P4HA1: variants seen among roughly 807,000 people sequenced by gnomAD.
The protein encoded by P4HA1 is prolyl 4-hydroxylase subunit alpha 1.
A neutral mutation model predicts 72.8 loss-of-function variants in P4HA1; 24 were observed. The observed-to-expected ratio is 0.33, with a 90% confidence interval of 0.24 to 0.46. The LOEUF is 0.46. Ranked by LOEUF, P4HA1 falls within the 20% of genes least tolerant of loss-of-function variation. P4HA1 has a pLI of 1.00. For missense variants in P4HA1, 446 were observed against 640.6 expected, an observed-to-expected ratio of 0.70 and a Z score of 3.28; for synonymous variants, 201 against 218.8, an observed-to-expected ratio of 0.92 and a Z score of 0.72.
chr10:73,092,039 C>T lies in P4HA1; in HGVS notation c.-33+4727G>A, dbSNP rs191851717. On this transcript the variant is annotated intron_variant, in intron 1 of 14. Transcript: ENST00000394890. ...TCCACTTTTATTTCCACCCAGTCTA[C>T]CTCTTTCTAGTCTTCAATTATCTGT... Among the ~76,000 whole-genome samples the T allele has an allele frequency of 6.8e-3, 1,037 of 152,248 alleles. 12 individuals carry two copies. Among genetic ancestry groups the T allele is most frequent in the African/African-American group, 0.023 (970 of 41,538 alleles).
chr10:73,095,902 T>C (rs1842154243), intron 1 of P4HA1, among the ~76,000 whole-genome samples: 1 of 148,388 alleles, frequency 6.7e-6, no homozygotes, highest in South Asian at 2.4e-4. Flanking sequence ...TTCCTCCCCA[T>C]TGAAACATAC....
At chr10:73,043,079 G>T (rs1453869801) in intron 9 of P4HA1, among the ~76,000 whole-genome samples, 1 of 152,100 alleles carries the variant, frequency 6.6e-6, no homozygotes, top group Non-Finnish European at 1.5e-5. Context: ...AAAAGGCTGT[G>T]TTAAAGATAG....
At chr10:73,046,755 T>C (rs532547297) in intron 8 of P4HA1, among the ~76,000 whole-genome samples, 170 bp downstream of exon 8, 1 of 152,256 alleles carries the variant, frequency 6.6e-6, no homozygotes, top group Middle Eastern at 3.4e-3. Flanking sequence ...TGATAACAAA[T>C]GGAAAAACTG....
At chr10:73,096,368 G>A (rs1842165084) in intron 1 of P4HA1, among the ~76,000 whole-genome samples, 2 of 152,122 alleles carry the variant, frequency 1.3e-5, no homozygotes, top group Admixed American at 1.3e-4. Flanking sequence ...CCCACGCCCC[G>A]CGCTTGCGTT....
intron 4 of P4HA1, 97 bp from the exon 5 acceptor site, chr10:73,069,080 T>C: frequency 1.1e-6 from 1 of 908,486 alleles, no homozygotes; most frequent in East Asian, 2.5e-5. Flanking sequence ...ATTTTATTAT[T>C]TTCTACCACA....
intron 5 of P4HA1, among the ~76,000 whole-genome samples, chr10:73,060,218 T>C (rs1841280524): frequency 6.6e-6 from 1 of 152,178 alleles, no homozygotes; most frequent in Non-Finnish European, 1.5e-5. Flanking sequence ...ATAGTATGAA[T>C]AAAAGAATAA....
intron 10 of P4HA1, among the ~76,000 whole-genome samples, chr10:73,021,361 G>A (rs770382011): frequency 6.6e-5 from 10 of 152,120 alleles, no homozygotes; most frequent in South Asian, 2.1e-4. Flanking sequence ...AGAGATATCC[G>A]CATTCCCATG....
intron 9 of P4HA1, among the ~76,000 whole-genome samples, chr10:73,041,280 C>CATGCTT (rs1840726329): frequency 6.6e-6 from 1 of 152,104 alleles, no homozygotes; most frequent in South Asian, 2.1e-4. Context: ...GGCACGGGCT[C>CATGCTT]ATGCTTGTAA....
At chr10:73,069,829 C>T (rs151207666) in intron 4 of P4HA1, among the ~76,000 whole-genome samples, 2 of 145,962 alleles carry the variant, frequency 1.4e-5, no homozygotes, top group South Asian at 2.2e-4. Flanking sequence ...TTTTTTGAGA[C>T]AGTCTCACTC....
At chr10:73,092,583 C>T (rs1217215292) in intron 1 of P4HA1, among the ~76,000 whole-genome samples, 1 of 150,134 alleles carries the variant, frequency 6.7e-6, no homozygotes, top group Non-Finnish European at 1.5e-5. Flanking sequence ...GTCTTGAACT[C>T]CTGGCCTCAA....
At chr10:73,050,687 G>T (rs914583138) in intron 7 of P4HA1, among the ~76,000 whole-genome samples, 1 of 148,830 alleles carries the variant, frequency 6.7e-6, no homozygotes, top group African/African-American at 2.5e-5. Flanking sequence ...GTGGCAGGGT[G>T]AGACTCCATC....
chr10:73,060,480 G>A (rs1841288525), intron 5 of P4HA1, among the ~76,000 whole-genome samples: 1 of 152,300 alleles, frequency 6.6e-6, no homozygotes, highest in Middle Eastern at 3.4e-3. Flanking sequence ...GGCTGAAGCA[G>A]GAAGATCACT....
rs200979300 is a variant in P4HA1, at chr10:73,008,105, T to C, written c.*117A>G. The C allele has an allele frequency of 3.2e-6, 2 of 619,156 alleles. No homozygotes were observed. Among genetic ancestry groups the C allele is most frequent in the Non-Finnish European group, 5.9e-6 (2 of 341,046 alleles). 38.4% of individuals were successfully genotyped at this position (619,156 alleles called of 1,614,324 possible). ...CAGATGAAACATGGGATGAGGTTCA[T>C]GACTGAATCAATCATGGAGTGTTAG... On this transcript the variant is annotated 3_prime_UTR_variant, in exon 15 of 15. Coordinates refer to ENST00000394890, the MANE Select transcript of P4HA1 (RefSeq NM_001017962.3).
At chr10:73,029,846 A>G (rs763087984) in intron 10 of P4HA1, among the ~76,000 whole-genome samples, 2 of 152,178 alleles carry the variant, frequency 1.3e-5, no homozygotes, top group African/African-American at 2.4e-5. Flanking sequence ...ACAGAAAAAG[A>G]GAAGTGATGA....
intron 9 of P4HA1, among the ~76,000 whole-genome samples, chr10:73,039,963 G>C (rs1840694638): frequency 6.8e-6 from 1 of 146,752 alleles, no homozygotes; most frequent in Non-Finnish European, 1.5e-5. Flanking sequence ...CCAGGCTCAA[G>C]TGATCTACCC....
intron 1 of P4HA1, among the ~76,000 whole-genome samples, chr10:73,084,908 G>A (rs1187253990): frequency 1.3e-5 from 2 of 152,192 alleles, no homozygotes; most frequent in Non-Finnish European, 2.9e-5. Flanking sequence ...GGGAGGCCAA[G>A]ATGGAAGGAT....
At chr10:73,056,596 C>T (rs193147777) in intron 5 of P4HA1, among the ~76,000 whole-genome samples, 16 of 151,912 alleles carry the variant, frequency 1.1e-4, no homozygotes, top group Non-Finnish European at 1.6e-4. Flanking sequence ...CACGCCATTG[C>T]GGTCCAGCCT....
In P4HA1 at chr10:73,039,824, A is replaced by C. The variant is rs986496362; in HGVS notation, c.1148+5157T>G. On this transcript the variant is annotated intron_variant, in intron 9 of 14. Transcript: ENST00000394890. ...TTAAATTAACTGACATCAGAACACG[A>C]ATTTTCTTCCATTTGGCAACTGAGA... is the stretch of plus-strand genomic sequence containing the variant. Among the ~76,000 whole-genome samples, 9 of 149,914 alleles carry C rather than the reference A, an allele frequency of 6.0e-5. No individual in the cohort carries two copies. In the East Asian group the frequency reaches 1.8e-3, roughly 29 times the overall value.
At chr10:73,038,676 G>GAGTGC (rs1840660506) in intron 9 of P4HA1, among the ~76,000 whole-genome samples, 1 of 132,262 alleles carries the variant, frequency 7.6e-6, no homozygotes, top group Admixed American at 7.3e-5. Flanking sequence ...GCCCAGGCTG[G>GAGTGC]AGTGCAGTGG....
Sources: allele counts gnomAD v4.1 joint callset (sites outside exome capture counted in the v4.1 genomes callset), GRCh38; gene constraint gnomAD v4.1.1; transcripts MANE v1.5; gene names NCBI Gene and HGNC (gene_info 2026-07-23, HGNC 2026-07-21).